Variants in STAG3 observed in about 807,000 individuals in gnomAD.
The protein encoded by STAG3 is STAG3 cohesin complex component.
In STAG3, 101 loss-of-function variants were observed where a neutral mutation model predicts 160.7. The observed-to-expected ratio is 0.63, with a 90% CI of 0.54 to 0.74. The LOEUF (loss-of-function observed/expected upper bound fraction) is 0.74, where lower values mean the gene tolerates loss of function less well. Among genes scored for constraint, STAG3 ranks in the 30% least tolerant of loss-of-function variants. The pLI, the probability that STAG3 is intolerant of heterozygous loss-of-function variation, is 0.00. For missense variants in STAG3, 1,188 were observed against 1,517.4 expected (o/e 0.78, Z 3.61); for synonymous variants, 519 against 585.0 (o/e 0.89, Z 1.63).
intron 2 of STAG3, 156 bp downstream of exon 2, chr7:100,180,828 GT>G (rs199911321): frequency 3.0e-4 from 147 of 497,108 alleles, no homozygotes; most frequent in Non-Finnish European, 3.6e-4. Flanking sequence ...AGCTCCAGGT[GT>G]TTTTTTTGGC....
Position 100,211,553 on chromosome 7 carries a change from A to G in STAG3, c.3518+14A>G, listed in dbSNP as rs1169066522. 2 of 1,610,072 alleles carry G rather than the reference A, an allele frequency of 1.2e-6. No individual in the cohort carries two copies. The highest frequency in any genetic ancestry group is 1.7e-6 in the Non-Finnish European group (2 of 1,177,378). On this transcript the variant is annotated intron_variant, in intron 31 of 33. Transcript: ENST00000615138. The stretch of plus-strand genomic sequence containing the variant: ...CCAGCTGATGCGGTGAGCTTTTCTC[A>G]TCATCTCCTGTCTTCACTTCAGATC...
At chr7:100,182,542 G>GA (rs1006907168) in intron 3 of STAG3, among the ~76,000 whole-genome samples, 181 bp from the exon 4 acceptor site, 1 of 151,832 alleles carries the variant, frequency 6.6e-6, no homozygotes, top group South Asian at 2.1e-4. Context: ...TTTTTTAAGG[G>GA]AAAAAAATAA....
intron 1 of STAG3, 134 bp from the exon 2 acceptor site, chr7:100,180,359 C>T (rs532180788): frequency 1.9e-6 from 1 of 520,986 alleles, no homozygotes; most frequent in South Asian, 2.3e-5. Context: ...GGTGCCCAGC[C>T]TTTGTCTTAG....
At chr7:100,197,301 C>G in intron 10 of STAG3, 22 bp downstream of exon 10, 2 of 1,605,356 alleles carry the variant, frequency 1.2e-6, no homozygotes, top group Middle Eastern at 2.3e-4. Flanking sequence ...GTCAGTTTCC[C>G]TTTCCGTTTC....
intron 29 of STAG3, among the ~76,000 whole-genome samples, chr7:100,209,014 G>A (rs913506536): frequency 2.0e-5 from 3 of 152,102 alleles, no homozygotes; most frequent in African/African-American, 2.4e-5. Flanking sequence ...AGTTCAGGGC[G>A]CCACCACCGA....
At chr7:100,209,150 G>A (rs994483561) in intron 29 of STAG3, among the ~76,000 whole-genome samples, 4 of 152,136 alleles carry the variant, frequency 2.6e-5, no homozygotes, top group Admixed American at 1.3e-4. Context: ...GAGGTTAGTC[G>A]GTAGTTTCTG....
downstream of STAG3, among the ~76,000 whole-genome samples, chr7:100,215,609 A>G (rs951305545): frequency 6.6e-6 from 1 of 152,078 alleles, no homozygotes; most frequent in Non-Finnish European, 1.5e-5. Context: ...TTAAATACTA[A>G]CCAAGCTAAG....
At chr7:100,204,246 C>T (rs751833206) in intron 26 of STAG3, 124 bp downstream of exon 26, 33 of 706,968 alleles carry the variant, frequency 4.7e-5, no homozygotes, top group Non-Finnish European at 6.4e-5. Context: ...CTTAACTTTA[C>T]GTGATAGGTT....
chr7:100,210,708 C>T (rs1802107755), intron 29 of STAG3, among the ~76,000 whole-genome samples: 1 of 152,186 alleles, frequency 6.6e-6, no homozygotes, highest in Non-Finnish European at 1.5e-5. Context: ...ACCTGTTCAC[C>T]TGTTACAGTT....
At position 100,211,782 on chromosome 7, in the gene STAG3, G is replaced by A; in HGVS notation, c.3519-13G>A. The A allele has an allele frequency of 6.2e-7, 1 of 1,613,388 alleles. No individual in the cohort carries two copies. Among genetic ancestry groups the A allele is most frequent in the Non-Finnish European group, 8.5e-7 (1 of 1,179,680 alleles). On this transcript the variant is annotated splice_polypyrimidine_tract_variant and intron_variant, in intron 31 of 33. Coordinates refer to ENST00000615138, the MANE Select transcript of STAG3 (RefSeq NM_001282717.2). The stretch of plus-strand genomic sequence containing the variant: ...AACAGTTTGAAAAGCCAGTCTCTTT[G>A]CCCCTACATCAGACTCAGCCTTATG...
intron 29 of STAG3, among the ~76,000 whole-genome samples, chr7:100,205,762 G>A (rs1013858038): frequency 1.5e-4 from 23 of 151,598 alleles, no homozygotes; most frequent in African/African-American, 4.8e-4. Flanking sequence ...CCCGGGAGGC[G>A]GAGGTTGCCG....
Position 100,213,455 on chromosome 7 carries a change from A to T in STAG3, c.3601-280A>T. ...ACCTTCAAACCAGAGACTAGAGAGC[A>T]AGGCCTCTGTTAAAATATTATTTCC... On this transcript the variant is annotated intron_variant, in intron 32 of 33. Transcript: ENST00000615138. The T allele has an allele frequency of 3.0e-6, 3 of 985,476 alleles. No individual in the cohort carries two copies. The South Asian group carries it at 1.4e-4, about 46-fold the overall frequency. The allele number at this position is 985,476 out of a possible 1,614,324, so 61.0% of individuals were successfully genotyped here.
rs1293309173 is a variant in STAG3 at position 100,211,799 on chromosome 7, A to G, written c.3523A>G (p.Ser1175Gly). The G allele has an allele frequency of 6.2e-7, 1 of 1,614,148 alleles. No individual in the cohort carries two copies. The highest frequency in any genetic ancestry group is 1.1e-5 in the South Asian group (1 of 91,084). Residue 1175 changes from serine to glycine, a missense_variant, in exon 32 of 34, where the codon AGC becomes GGC. By Grantham distance (56) the Ser-to-Gly change is moderately conservative. This residue lies in a region of STAG3 where 647 missense variants were observed against 717.2 expected (regional missense o/e 0.90). Transcript: ENST00000615138. ...PGLGNQLMRL[S>G]LMEEDEEEEL... ...GTCTCTTTGCCCCTACATCAGACTC[A>G]GCCTTATGGAAGAGGACGAGGAAGA...
rs941391200 is a variant in STAG3 at position 100,207,443 on chromosome 7, G to T, written c.3238+2059G>T. On this transcript the variant is annotated intron_variant, in intron 29 of 33. Transcript: ENST00000615138. This position sits in a 1 kb window ranked among gnomAD's most constrained non-coding sequence, Gnocchi z 4.0. ...CTGTGAGGTGTGGTATCTCATTGTG[G>T]TTTAAATTTGCATTTCCCTAATGAC... 9.9e-5 allele frequency among the ~76,000 whole-genome samples: 15 copies of T among 152,086 alleles called. No homozygotes were observed. The highest frequency in any genetic ancestry group is 3.6e-4 in the African/African-American group (15 of 41,402).
At chr7:100,215,740 C>T (rs1490143451), downstream of STAG3, among the ~76,000 whole-genome samples, 1 of 152,148 alleles carries the variant, frequency 6.6e-6, no homozygotes, top group Non-Finnish European at 1.5e-5. Flanking sequence ...GAGCTTGACA[C>T]CATGCTCTCT....
At chr7:100,217,184 GTTTC>G (rs796646810), downstream of STAG3, among the ~76,000 whole-genome samples, 31 of 152,344 alleles carry the variant, frequency 2.0e-4, 1 homozygote, top group Admixed American at 3.9e-4. Context: ...AGGTTAGAAT[GTTTC>G]TTTATTTCTA....
rs112524836 is a variant in STAG3 at position 100,211,157 on chromosome 7, G to C, written c.3385G>C (p.Asp1129His). The change falls in exon 30 of 34, where the codon GAT becomes CAT. Residue 1129 changes from aspartate (D) to histidine (H), a missense_variant. By Grantham distance (81) the Asp-to-His change is moderately conservative. Coordinates refer to ENST00000615138, the MANE Select transcript of STAG3 (RefSeq NM_001282717.2). ...LWGLKEMEEEDGSELDFAQGS... is the reference protein window; with the variant it reads ...LWGLKEMEEEHGSELDFAQGS... ...GGGGTTGAAAGAGATGGAGGAAGAA[G>C]ATGGCTCAGAGTTGGATTTTGCCCA... is the stretch of plus-strand genomic sequence containing the variant. The C allele has an allele frequency of 6.5e-7, 1 of 1,545,680 alleles. No homozygotes were observed. The highest frequency in any genetic ancestry group is 8.8e-7 in the Non-Finnish European group (1 of 1,139,184).
intron 14 of STAG3, 58 bp downstream of exon 14, chr7:100,199,015 G>T (rs1471150121): frequency 2.6e-5 from 40 of 1,511,354 alleles, no homozygotes; most frequent in Non-Finnish European, 3.5e-5. Context: ...GTGGGCTGGG[G>T]TTGGTGGCTC....
intron 31 of STAG3, 107 bp from the exon 32 acceptor site, chr7:100,211,688 T>C: frequency 7.1e-7 from 1 of 1,411,646 alleles, no homozygotes; most frequent in South Asian, 1.2e-5. Context: ...GGGAAACTAC[T>C]ATGCTGTACT....
Sources: gnomAD v4.1 joint callset for allele counts (sites outside exome capture counted in the v4.1 genomes callset) on GRCh38, gnomAD v4.1.1 for gene constraint, gnomAD v4.1.1 regional missense constraint, Gnocchi (gnomAD v3.1) non-coding constraint, MANE v1.5 for transcripts, NCBI Gene and HGNC (gene_info 2026-07-23, HGNC 2026-07-21) for gene names.